The following FILIP1 variants were observed in gnomAD, a reference collection of about 807,000 sequenced individuals.
FILIP1 encodes filamin-A-interacting protein 1.
FILIP1 carries 61 observed loss-of-function variants against 102.1 expected under a neutral mutation model. That is an observed-to-expected ratio of 0.60 (90% CI 0.49 to 0.74). FILIP1 has a LOEUF of 0.74. Among genes scored for constraint, FILIP1 ranks in the 30% least tolerant of loss-of-function variants. The pLI is 0.00. For missense variants in FILIP1, 1,314 were observed against 1,441.2 expected, an observed-to-expected ratio of 0.91 and a Z score of 1.43; for synonymous variants, 491 against 526.9, an observed-to-expected ratio of 0.93 and a Z score of 0.93.
chr6:75,323,806 C>T (rs1195249429), intron 4 of FILIP1, among the ~76,000 whole-genome samples: 3 of 151,752 alleles, frequency 2.0e-5, no homozygotes, highest in Non-Finnish European at 4.4e-5. Flanking sequence ...AAGAGATGGA[C>T]CTGTTGGTAG....
intron 4 of FILIP1, among the ~76,000 whole-genome samples, chr6:75,344,494 T>G (rs975705771): frequency 2.0e-5 from 3 of 152,226 alleles, no homozygotes; most frequent in Admixed American, 6.5e-5. Flanking sequence ...GCCTACCAAC[T>G]AAAATGGGGT....
chr6:75,411,966 G>C lies in FILIP1; in HGVS notation c.276+2731C>G, dbSNP rs540508752. On this transcript the variant is annotated intron_variant, in intron 2 of 5. Transcript: ENST00000237172. Reference sequence around the variant, plus strand: ...AATTCTGTGGAGAAAGTCAGTGGTAGCTTGATGGGAACAGCATTGAATCTA... The same window carrying C: ...AATTCTGTGGAGAAAGTCAGTGGTACCTTGATGGGAACAGCATTGAATCTA... Among the ~76,000 whole-genome samples the C allele has an allele frequency of 6.6e-5, 10 of 152,234 alleles. No homozygotes were observed. The South Asian group carries it at 2.1e-3, about 32-fold the overall frequency.
At chr6:75,398,466 G>A (rs968920773) in intron 2 of FILIP1, among the ~76,000 whole-genome samples, 10 of 152,168 alleles carry the variant, frequency 6.6e-5, no homozygotes, top group African/African-American at 2.2e-4. Context: ...CACTACACTA[G>A]TAGAGGTCTC....
At chr6:75,484,429 AAAGTACTTTTAAAGTACTGTC>A (rs1197282801) in intron 1 of FILIP1, among the ~76,000 whole-genome samples, 6 of 150,714 alleles carry the variant, frequency 4.0e-5, no homozygotes, top group Non-Finnish European at 8.9e-5. Context: ...ACTGTCTTTT[AAAGTACTTTTAAAGTACTGTC>A]TTTTAAAGTA....
intron 5 of FILIP1, among the ~76,000 whole-genome samples, chr6:75,310,754 C>G (rs759701335): frequency 1.3e-5 from 2 of 152,144 alleles, no homozygotes; most frequent in Non-Finnish European, 2.9e-5. Context: ...CCTACACAAC[C>G]AAGCTATGCT....
At chr6:75,455,492 G>C (rs1329087367) in intron 1 of FILIP1, among the ~76,000 whole-genome samples, 2 of 152,164 alleles carry the variant, frequency 1.3e-5, no homozygotes, top group Admixed American at 6.5e-5. Context: ...TAATGAAATT[G>C]ATACTGGATT....
At chr6:75,457,273 C>G (rs1198999322) in intron 1 of FILIP1, among the ~76,000 whole-genome samples, 1 of 152,196 alleles carries the variant, frequency 6.6e-6, no homozygotes, top group East Asian at 1.9e-4. Context: ...TGGCACAACA[C>G]AAAGACATGT....
intron 1 of FILIP1, among the ~76,000 whole-genome samples, chr6:75,492,129 A>G (rs543734130): frequency 6.6e-6 from 1 of 152,344 alleles, no homozygotes; most frequent in African/African-American, 2.4e-5. Flanking sequence ...ACATATTTGT[A>G]TATGTGATTC....
chr6:75,387,999 G>T (rs1030484036), intron 2 of FILIP1, among the ~76,000 whole-genome samples: 1 of 152,020 alleles, frequency 6.6e-6, no homozygotes, highest in Non-Finnish European at 1.5e-5. Context: ...TTTCTTCTAG[G>T]GTTTTTATGG....
chr6:75,480,274 G>GTATTAAAAATGTACACCATTTTTATAT (rs1779612921), intron 1 of FILIP1, among the ~76,000 whole-genome samples: 3 of 152,020 alleles, frequency 2.0e-5, no homozygotes, highest in Non-Finnish European at 4.4e-5. Context: ...CATTTTTATA[G>GTATTAAAAATGTACACCATTTTTATAT]TATTAAAAAT....
intron 4 of FILIP1, chr6:75,319,031 A>G: frequency 1.4e-6 from 1 of 696,748 alleles, no homozygotes; most frequent in Non-Finnish European, 2.6e-6. Context: ...GAACCAACTT[A>G]TTCATCATCG....
chr6:75,477,647 A>G (rs1214812552), intron 1 of FILIP1, among the ~76,000 whole-genome samples: 1 of 152,140 alleles, frequency 6.6e-6, no homozygotes, highest in Non-Finnish European at 1.5e-5. Context: ...GATATAATAA[A>G]GAATAAGCTC....
chr6:75,493,112 T>G (rs1323629022), intron 1 of FILIP1, among the ~76,000 whole-genome samples: 1 of 152,234 alleles, frequency 6.6e-6, no homozygotes, highest in Non-Finnish European at 1.5e-5. Context: ...GATGTGAAAT[T>G]GTCCTTTGTC....
At chr6:75,331,556 C>T (rs1774083491) in intron 4 of FILIP1, among the ~76,000 whole-genome samples, 1 of 152,152 alleles carries the variant, frequency 6.6e-6, no homozygotes, top group South Asian at 2.1e-4. Context: ...CTTGGGGACA[C>T]CCAAGGATGG....
intron 2 of FILIP1, among the ~76,000 whole-genome samples, chr6:75,369,540 A>G (rs1408091383): frequency 6.6e-6 from 1 of 151,966 alleles, no homozygotes; most frequent in East Asian, 1.9e-4. Context: ...GTCTGACGAC[A>G]ATTTAACTGT....
At chr6:75,353,227 A>C (rs892074357) in intron 4 of FILIP1, among the ~76,000 whole-genome samples, 11 of 152,140 alleles carry the variant, frequency 7.2e-5, no homozygotes, top group African/African-American at 2.7e-4. Context: ...AAAAAATAAA[A>C]AGAAATACAT....
intron 1 of FILIP1, among the ~76,000 whole-genome samples, chr6:75,422,302 C>A (rs1777494793): frequency 6.6e-6 from 1 of 152,084 alleles, no homozygotes; most frequent in Non-Finnish European, 1.5e-5. Context: ...GACCCTCACA[C>A]TTAAGTGATT....
At chr6:75,414,639 C>T (rs1777188810) in intron 2 of FILIP1, 58 bp downstream of exon 2, 23 of 1,488,384 alleles carry the variant, frequency 1.5e-5, no homozygotes, top group Non-Finnish European at 1.8e-5. Flanking sequence ...TTTACATTCT[C>T]TTATTTTATA....
chr6:75,382,944 G>C (rs1377690076), intron 2 of FILIP1, among the ~76,000 whole-genome samples: 2 of 152,168 alleles, frequency 1.3e-5, no homozygotes, highest in Admixed American at 6.6e-5. Context: ...CCTTTCAGGA[G>C]ATAAGAAATT....
Sources: allele counts gnomAD v4.1 joint callset (sites outside exome capture counted in the v4.1 genomes callset), GRCh38; gene constraint gnomAD v4.1.1; transcripts MANE v1.5; gene names NCBI Gene and HGNC (gene_info 2026-07-23, HGNC 2026-07-21).